GAPVD1: variants seen among roughly 807,000 people sequenced by gnomAD.
GAPVD1 encodes GTPase activating protein and VPS9 domains 1.
Under a neutral mutation model 155.5 loss-of-function variants are expected in GAPVD1, and 35 were observed. The observed-to-expected ratio is 0.23, with a 90% CI of 0.17 to 0.30. The LOEUF (loss-of-function observed/expected upper bound fraction) is 0.30. Ranked by LOEUF, GAPVD1 falls within the 10% of genes least tolerant of loss-of-function variation. The probability of loss-of-function intolerance (pLI) is 1.00; values close to 1 mark genes in which losing one functional copy is unlikely to be tolerated. For synonymous variants in GAPVD1, 636 were observed against 619.7 expected, an observed-to-expected ratio of 1.03 and a Z score of -0.39; for missense variants, 1,429 against 1,775.7, an observed-to-expected ratio of 0.80 and a Z score of 3.51.
rs1211234976 is a variant in GAPVD1, at chr9:125,366,175, A to G, written c.*3429A>G. On this transcript the variant is annotated 3_prime_UTR_variant, in exon 28 of 28. Coordinates refer to ENST00000297933, the MANE Select transcript of GAPVD1 (RefSeq NM_001282680.3). ...TCCTATGTCCTGGAAGCCTTTGTTT[A>G]AAGTGGGCTTTACAAATGTGTCCCT... The G allele has an allele frequency of 6.6e-6, 1 of 152,202 alleles. No homozygotes were observed. The highest frequency in any genetic ancestry group is 2.4e-5 in the African/African-American group (1 of 41,442). The allele number at this position is 152,202 out of a possible 1,614,324, so 9.4% of individuals were successfully genotyped here.
rs577265433 is a variant in GAPVD1, at chr9:125,271,047, G to A, written c.-150+2063G>A. Among the ~76,000 whole-genome samples the A allele has an allele frequency of 2.0e-5, 3 of 152,208 alleles. No individual in the cohort carries two copies. The South Asian group carries it at 6.2e-4, about 32-fold the overall frequency. On this transcript the variant is annotated intron_variant, in intron 2 of 27. Coordinates refer to ENST00000297933, the MANE Select transcript of GAPVD1 (RefSeq NM_001282680.3). ...GAGTTTGAAGATGAACCAGATACCT[G>A]ATAAATGCTTGTGTCTGAAAGAAAA...
intron 11 of GAPVD1, among the ~76,000 whole-genome samples, chr9:125,325,165 C>T (rs1188298297): frequency 6.6e-6 from 1 of 150,536 alleles, no homozygotes; most frequent in Non-Finnish European, 1.5e-5. Context: ...GCAGGGGTTG[C>T]AGTGAGCTGA....
intron 2 of GAPVD1, among the ~76,000 whole-genome samples, chr9:125,288,945 A>C (rs1263794434): frequency 1.3e-5 from 2 of 152,208 alleles, no homozygotes; most frequent in African/African-American, 2.4e-5. Flanking sequence ...ACTGAAGAAC[A>C]TGATACTTTG....
At chr9:125,265,586 A>AT (rs774701506) in intron 1 of GAPVD1, among the ~76,000 whole-genome samples, 10 of 113,754 alleles carry the variant, frequency 8.8e-5, no homozygotes, top group African/African-American at 3.4e-4. Context: ...TAATTTTTGT[A>AT]TTTTTTTGTA....
chr9:125,289,397 G>A (rs1838239104), intron 2 of GAPVD1, among the ~76,000 whole-genome samples: 1 of 152,222 alleles, frequency 6.6e-6, no homozygotes, highest in African/African-American at 2.4e-5. Flanking sequence ...GGTGAGATAT[G>A]TGGTGCTTTG....
chr9:125,304,542 T>G (rs1841474386), intron 5 of GAPVD1, among the ~76,000 whole-genome samples: 1 of 152,120 alleles, frequency 6.6e-6, no homozygotes, highest in Non-Finnish European at 1.5e-5. Context: ...TTAAAAAGAG[T>G]GCAGTAACAA....
At chr9:125,282,769 T>G (rs1836992202) in intron 2 of GAPVD1, among the ~76,000 whole-genome samples, 1 of 152,146 alleles carries the variant, frequency 6.6e-6, no homozygotes, top group African/African-American at 2.4e-5. Context: ...GGAAATAAAC[T>G]TTGGTGAAGT....
intron 15 of GAPVD1, chr9:125,336,755 A>T (rs1454737910): frequency 2.3e-6 from 1 of 433,434 alleles, no homozygotes. Context: ...TGCATGAACC[A>T]TACTAGCATT....
At chr9:125,342,915 G>T (rs1249188884) in intron 19 of GAPVD1, among the ~76,000 whole-genome samples, 1 of 152,128 alleles carries the variant, frequency 6.6e-6, no homozygotes, top group African/African-American at 2.4e-5. Context: ...ACAGCTGGGG[G>T]TTGGGTTTTT....
At position 125,355,681 on chromosome 9, in the gene GAPVD1, T is replaced by C; in HGVS notation, c.3795T>C (p.Ala1265=). 6.2e-7 allele frequency: 1 copy of C among 1,613,600 alleles called. No individual in the cohort carries two copies. The highest frequency in any genetic ancestry group is 8.5e-7 in the Non-Finnish European group (1 of 1,179,548). Residue 1265 remains alanine, a synonymous_variant, in exon 25 of 28, where the codon GCT becomes GCC. Coordinates refer to ENST00000297933, the MANE Select transcript of GAPVD1 (RefSeq NM_001282680.3). The stretch of plus-strand genomic sequence containing the variant: ...TCACCGCAGCTGACGATAAAACTGC[T>C]CAGGTAGAAGATTTTCTGCAGTTTC... The part of the protein sequence containing the change: ...QKLTAADDKT[A]QVEDFLQFLY...
intron 11 of GAPVD1, among the ~76,000 whole-genome samples, chr9:125,326,020 C>T (rs1480413014): frequency 2.0e-5 from 3 of 152,218 alleles, no homozygotes; most frequent in Non-Finnish European, 2.9e-5. Flanking sequence ...CTATTAGTCA[C>T]TGCTTATCAG....
chr9:125,358,873 G>A (rs1850504730), intron 25 of GAPVD1, among the ~76,000 whole-genome samples: 1 of 152,170 alleles, frequency 6.6e-6, no homozygotes, highest in Non-Finnish European at 1.5e-5. Context: ...ATAGAGGGTG[G>A]AAAGCCAAAA....
chr9:125,277,200 G>C (rs1243323338), intron 2 of GAPVD1, among the ~76,000 whole-genome samples: 1 of 152,124 alleles, frequency 6.6e-6, no homozygotes, highest in East Asian at 1.9e-4. Flanking sequence ...CATTCATTCA[G>C]CACCTGCTAA....
At chr9:125,301,347 G>T (rs763876012) in intron 4 of GAPVD1, among the ~76,000 whole-genome samples, 5 of 152,138 alleles carry the variant, frequency 3.3e-5, no homozygotes, top group Non-Finnish European at 7.4e-5. Flanking sequence ...GGGATTACAG[G>T]TGTGAGCCAC....
intron 15 of GAPVD1, among the ~76,000 whole-genome samples, chr9:125,334,727 T>G (rs1355019567): frequency 6.6e-6 from 1 of 151,770 alleles, no homozygotes; most frequent in Non-Finnish European, 1.5e-5. Flanking sequence ...TGGTGAGACC[T>G]CGTCTCTACA....
rs149487467 is a variant in GAPVD1, at chr9:125,292,206, C to T, written c.-149-3252C>T. Among the ~76,000 whole-genome samples the T allele has an allele frequency of 6.9e-4, 105 of 152,202 alleles. 1 individual carries two copies. Among genetic ancestry groups the T allele is most frequent in the African/African-American group, 2.2e-3 (90 of 41,534 alleles). On this transcript the variant is annotated intron_variant, in intron 2 of 27. Transcript: ENST00000297933. ...GAGCCATGATACCGCCACTGCACTC[C>T]GCTTGGATGACAGCAAGACCCTGTC...
chr9:125,328,779 G>GGGCAGAGGCGCCCCTCACCTCCCGGACGA, intron 12 of GAPVD1, among the ~76,000 whole-genome samples: 1 of 151,816 alleles, frequency 6.6e-6, no homozygotes, highest in Non-Finnish European at 1.5e-5. Flanking sequence ...AGGGGCGGCC[G>GGGCAGAGGCGCCCCTCACCTCCCGGACGA]GGCAGAGGCG....
intron 6 of GAPVD1, 51 bp downstream of exon 6, chr9:125,305,200 C>A: frequency 1.7e-6 from 2 of 1,177,728 alleles, no homozygotes; most frequent in Non-Finnish European, 2.5e-6. Flanking sequence ...GTGAGCCTAA[C>A]TGTTCTCTTT....
At chr9:125,274,727 G>A (rs1835487291) in intron 2 of GAPVD1, among the ~76,000 whole-genome samples, 1 of 152,120 alleles carries the variant, frequency 6.6e-6, no homozygotes, top group Non-Finnish European at 1.5e-5. Context: ...CTCCCAAAGT[G>A]CTGGGATTAT....
Sources: allele counts gnomAD v4.1 joint callset (sites outside exome capture counted in the v4.1 genomes callset), GRCh38; gene constraint gnomAD v4.1.1; transcripts MANE v1.5; gene names NCBI Gene and HGNC (gene_info 2026-07-23, HGNC 2026-07-21).